Variants in RBMS3 observed in about 807,000 individuals in gnomAD.
RBMS3 encodes RNA-binding motif, single-stranded-interacting protein 3.
A neutral mutation model predicts 66.8 loss-of-function variants in RBMS3; 27 were observed. The ratio of observed to expected loss-of-function variants is 0.40; its 90% CI spans 0.30 to 0.56. The LOEUF is 0.56. RBMS3 is among the 20% of genes least tolerant of loss of function. The probability of loss-of-function intolerance (pLI) is 0.40; values close to 1 mark genes in which losing one functional copy is unlikely to be tolerated. For synonymous variants in RBMS3, 188 were observed against 183.0 expected, an observed-to-expected ratio of 1.03 and a Z score of -0.22; for missense variants, 513 against 549.5, an observed-to-expected ratio of 0.93 and a Z score of 0.66.
chr3:29,373,750 G>C (rs964025166), intron 1 of RBMS3, among the ~76,000 whole-genome samples: 3 of 152,210 alleles, frequency 2.0e-5, no homozygotes, highest in South Asian at 2.1e-4. Flanking sequence ...TGGTTTCTGA[G>C]TGCCTGTTTG....
chr3:29,798,934 T>G (rs2057302520), intron 6 of RBMS3, among the ~76,000 whole-genome samples: 2 of 151,586 alleles, frequency 1.3e-5, no homozygotes, highest in Non-Finnish European at 2.9e-5. Context: ...CTCTGGTTTT[T>G]TTTTTTTTTT....
At chr3:29,965,173 A>G (rs13325725) in intron 12 of RBMS3, among the ~76,000 whole-genome samples, 33,561 of 152,094 alleles carry the variant, frequency 0.22, 3,764 homozygotes, top group East Asian at 0.27. Flanking sequence ...TTGTGCTGCT[A>G]TAAACAAGCA....
intron 6 of RBMS3, among the ~76,000 whole-genome samples, chr3:29,772,637 A>G (rs2056260158): frequency 6.6e-6 from 1 of 152,012 alleles, no homozygotes; most frequent in Non-Finnish European, 1.5e-5. Flanking sequence ...GAGGAGCAGC[A>G]TAGGAGGTCG....
chr3:29,515,605 A>C (rs1427382160), intron 3 of RBMS3, among the ~76,000 whole-genome samples: 1 of 152,180 alleles, frequency 6.6e-6, no homozygotes, highest in Non-Finnish European at 1.5e-5. Context: ...AAGAATGACT[A>C]AACACTGACT....
chr3:29,975,908 G>A (rs1250134231), intron 12 of RBMS3, among the ~76,000 whole-genome samples: 3 of 151,822 alleles, frequency 2.0e-5, no homozygotes, highest in Non-Finnish European at 2.9e-5. Context: ...ATTGCAATTT[G>A]TAAGGAAAAT....
intron 4 of RBMS3, among the ~76,000 whole-genome samples, chr3:29,677,697 C>A (rs913159803): frequency 6.6e-6 from 1 of 152,016 alleles, no homozygotes; most frequent in African/African-American, 2.4e-5. Context: ...AATTTTTTGT[C>A]CTTTTCTTCT....
chr3:29,366,174 A>G (rs2125591633), intron 1 of RBMS3, among the ~76,000 whole-genome samples: 2 of 152,316 alleles, frequency 1.3e-5, no homozygotes, highest in African/African-American at 4.8e-5. Flanking sequence ...TTTTTTTCAT[A>G]TAAAGTGCCT....
chr3:29,726,846 C>CA (rs2053900918), intron 4 of RBMS3, among the ~76,000 whole-genome samples: 1 of 151,890 alleles, frequency 6.6e-6, no homozygotes, highest in South Asian at 2.1e-4. Flanking sequence ...ACTTTCTTTG[C>CA]AAAATTAGAA....
chr3:29,456,707 G>A (rs1247361353), intron 2 of RBMS3, among the ~76,000 whole-genome samples: 3 of 148,670 alleles, frequency 2.0e-5, no homozygotes, highest in Non-Finnish European at 3.0e-5. Context: ...TTGCCTACAT[G>A]AGTACTTGTG....
At chr3:29,923,071 A>T (rs148779142) in intron 10 of RBMS3, among the ~76,000 whole-genome samples, 342 of 152,322 alleles carry the variant, frequency 2.2e-3, no homozygotes, top group African/African-American at 7.4e-3. Flanking sequence ...GGCTAACTCG[A>T]TGACCTGTGA....
At chr3:29,683,389 C>T (rs2051579637) in intron 4 of RBMS3, among the ~76,000 whole-genome samples, 1 of 152,140 alleles carries the variant, frequency 6.6e-6, no homozygotes, top group Non-Finnish European at 1.5e-5. Flanking sequence ...TAGCAGGTCT[C>T]ATAAAGATTG....
intron 6 of RBMS3, among the ~76,000 whole-genome samples, chr3:29,779,790 G>T (rs2056563559): frequency 6.9e-6 from 1 of 144,984 alleles, no homozygotes; most frequent in South Asian, 2.2e-4. Context: ...GGCACAAAAA[G>T]ATTGTATACT....
intron 6 of RBMS3, among the ~76,000 whole-genome samples, chr3:29,796,414 C>T (rs1419679588): frequency 6.6e-6 from 1 of 152,172 alleles, no homozygotes; most frequent in African/African-American, 2.4e-5. Flanking sequence ...TTGATCTTCT[C>T]TCATAAATGA....
At chr3:29,522,902 G>A (rs535725065) in intron 3 of RBMS3, among the ~76,000 whole-genome samples, 2 of 152,254 alleles carry the variant, frequency 1.3e-5, no homozygotes, top group South Asian at 4.2e-4. Context: ...TCTGAATGCA[G>A]AATTCCCATG....
At chr3:29,760,429 T>C (rs547361184) in intron 5 of RBMS3, among the ~76,000 whole-genome samples, 14 of 152,104 alleles carry the variant, frequency 9.2e-5, no homozygotes, top group African/African-American at 3.1e-4. Context: ...CAGAGAGAGA[T>C]TGAACAGGGA....
At chr3:29,450,947 CAT>C (rs972663539) in intron 2 of RBMS3, among the ~76,000 whole-genome samples, 20 of 151,286 alleles carry the variant, frequency 1.3e-4, no homozygotes, top group Non-Finnish European at 2.1e-4. Flanking sequence ...CACACACACA[CAT>C]GGTGTCTATA....
intron 1 of RBMS3, among the ~76,000 whole-genome samples, chr3:29,295,385 A>T (rs1471558016): frequency 6.8e-6 from 1 of 147,626 alleles, no homozygotes; most frequent in African/African-American, 2.5e-5. Flanking sequence ...ATACACATAT[A>T]TATATGTTTC....
At chr3:29,557,947 T>C (rs1318053614) in intron 3 of RBMS3, among the ~76,000 whole-genome samples, 6 of 152,114 alleles carry the variant, frequency 3.9e-5, no homozygotes, top group Non-Finnish European at 1.5e-5. Flanking sequence ...ATTTAAGAAG[T>C]CATTGCTTTT....
chr3:29,556,074 T>C (rs539880680), intron 3 of RBMS3, among the ~76,000 whole-genome samples: 178 of 152,292 alleles, frequency 1.2e-3, no homozygotes, highest in African/African-American at 4.2e-3. Flanking sequence ...TTTCAAAATA[T>C]GCATTGTATT....
Sources: gnomAD v4.1 joint callset for allele counts (sites outside exome capture counted in the v4.1 genomes callset) on GRCh38, gnomAD v4.1.1 for gene constraint, MANE v1.5 for transcripts, NCBI Gene and HGNC (gene_info 2026-07-23, HGNC 2026-07-21) for gene names.